The following FBXL5 variants were observed in gnomAD, a reference collection of about 807,000 sequenced individuals.
FBXL5 encodes the protein F-box/LRR-repeat protein 5.
In FBXL5, 26 loss-of-function variants were observed where a neutral mutation model predicts 78.3. That is an observed-to-expected ratio of 0.33 (90% CI 0.24 to 0.46). The LOEUF (loss-of-function observed/expected upper bound fraction) is 0.46. Ranked by LOEUF, FBXL5 falls within the 20% of genes least tolerant of loss-of-function variation. The pLI is 1.00. For synonymous variants in FBXL5, 295 were observed against 282.5 expected, an observed-to-expected ratio of 1.04 and a Z score of -0.45; for missense variants, 710 against 829.2, an observed-to-expected ratio of 0.86 and a Z score of 1.77.
chr4:15,666,050 A>T (rs886110053), intron 1 of FBXL5, among the ~76,000 whole-genome samples: 12 of 151,822 alleles, frequency 7.9e-5, no homozygotes, highest in African/African-American at 2.7e-4. Context: ...CCATTTCCTC[A>T]TCTTGTTCTT....
chr4:15,660,821 G>A (rs576057833), upstream of FBXL5, among the ~76,000 whole-genome samples: 1 of 152,314 alleles, frequency 6.6e-6, no homozygotes, highest in South Asian at 2.1e-4. Context: ...GCTCACGCCT[G>A]TAATCCCAAC....
At chr4:15,614,822 G>A (rs547755151) in intron 9 of FBXL5, among the ~76,000 whole-genome samples, 1 of 152,256 alleles carries the variant, frequency 6.6e-6, no homozygotes, top group Non-Finnish European at 1.5e-5. Flanking sequence ...GGCATTTGAG[G>A]AGCCCTTCAG....
Position 15,604,782 on chromosome 4 carries a change from G to A in FBXL5, c.*941C>T, listed in dbSNP as rs564955147. On this transcript the variant is annotated 3_prime_UTR_variant, in exon 11 of 11. Transcript: ENST00000341285. ...CTGGGTGGCAGGCCTCCACTCTCAT[G>A]ATGTTTTAACAAAGCAAAGTAGATA... is the stretch of plus-strand genomic sequence containing the variant. 10 of 152,290 alleles carry A rather than the reference G, an allele frequency of 6.6e-5. No individual in the cohort carries two copies. In the East Asian group the frequency reaches 1.7e-3, roughly 26 times the overall value. The allele number at this position is 152,290 out of a possible 1,614,324, so 9.4% of individuals were successfully genotyped here.
At chr4:15,623,402 C>G (rs1209785328) in intron 9 of FBXL5, among the ~76,000 whole-genome samples, 2 of 151,756 alleles carry the variant, frequency 1.3e-5, no homozygotes, top group Non-Finnish European at 2.9e-5. Context: ...TCTGAAAGGT[C>G]ACATGTATTA....
intron 9 of FBXL5, among the ~76,000 whole-genome samples, chr4:15,620,745 G>A (rs967560837): frequency 4.6e-5 from 7 of 152,258 alleles, no homozygotes; most frequent in African/African-American, 1.7e-4. Context: ...CAAGCTGGAA[G>A]GTCGGGGGTT....
intron 9 of FBXL5, among the ~76,000 whole-genome samples, chr4:15,622,502 G>A (rs1712588291): frequency 6.6e-6 from 1 of 152,112 alleles, no homozygotes; most frequent in Non-Finnish European, 1.5e-5. Context: ...TCTTTTCAAA[G>A]AAGCCTTTCC....
At chr4:15,615,108 G>A (rs111966202) in intron 9 of FBXL5, among the ~76,000 whole-genome samples, 94 of 152,288 alleles carry the variant, frequency 6.2e-4, no homozygotes, top group African/African-American at 1.4e-3. Context: ...CCAGCCCACC[G>A]GCACCGCGCT....
chr4:15,629,650 G>A (rs1713423118), intron 6 of FBXL5, among the ~76,000 whole-genome samples: 1 of 151,982 alleles, frequency 6.6e-6, no homozygotes, highest in African/African-American at 2.4e-5. Context: ...GCCTGCCACA[G>A]GTAAGCACAT....
chr4:15,661,202 A>G (rs763291342), upstream of FBXL5, among the ~76,000 whole-genome samples: 13 of 152,136 alleles, frequency 8.5e-5, no homozygotes, highest in South Asian at 1.2e-3. Context: ...TTGGACTACT[A>G]TAGGTGTTTC....
At chr4:15,610,583 A>G (rs1362625301) in intron 10 of FBXL5, among the ~76,000 whole-genome samples, 2 of 152,146 alleles carry the variant, frequency 1.3e-5, no homozygotes, top group African/African-American at 4.8e-5. Flanking sequence ...GAGGAAATGC[A>G]TAAGGACAAA....
At chr4:15,652,092 G>C (rs887362700) in intron 1 of FBXL5, among the ~76,000 whole-genome samples, 1 of 152,168 alleles carries the variant, frequency 6.6e-6, no homozygotes, top group African/African-American at 2.4e-5. Flanking sequence ...GTAGACGGTA[G>C]AAACTCCAAT....
At chr4:15,679,148 C>T (rs963605709) in intron 1 of FBXL5, among the ~76,000 whole-genome samples, 2 of 151,044 alleles carry the variant, frequency 1.3e-5, no homozygotes, top group East Asian at 1.9e-4. Context: ...CTGCAACCTC[C>T]GCCTCCTGGG....
intron 2 of FBXL5, among the ~76,000 whole-genome samples, chr4:15,644,292 G>C (rs747440493): frequency 1.3e-5 from 2 of 152,056 alleles, no homozygotes; most frequent in Non-Finnish European, 2.9e-5. Context: ...ATTCACCGTC[G>C]GGACTGATCT....
At chr4:15,650,414 G>A (rs1715859122) in intron 1 of FBXL5, among the ~76,000 whole-genome samples, 1 of 151,972 alleles carries the variant, frequency 6.6e-6, no homozygotes, top group Non-Finnish European at 1.5e-5. Flanking sequence ...TTACTTTTCG[G>A]TTTAAATTTT....
intron 9 of FBXL5, among the ~76,000 whole-genome samples, chr4:15,615,044 G>A (rs927256513): frequency 3.9e-5 from 6 of 152,156 alleles, no homozygotes; most frequent in Admixed American, 1.3e-4. Flanking sequence ...GGCAATGAGG[G>A]ACTTAGCACC....
chr4:15,612,478 G>A (rs1317964820), intron 9 of FBXL5, 64 bp from the exon 10 acceptor site: 44 of 1,437,272 alleles, frequency 3.1e-5, no homozygotes, highest in Non-Finnish European at 4.1e-5. Flanking sequence ...TATTCCTATG[G>A]TTCACTGAAC....
intron 1 of FBXL5, among the ~76,000 whole-genome samples, chr4:15,675,173 A>G (rs1382026162): frequency 6.6e-6 from 1 of 152,172 alleles, no homozygotes; most frequent in Non-Finnish European, 1.5e-5. Context: ...GTTAAGTCAC[A>G]TAATTTATAG....
intron 1 of FBXL5, among the ~76,000 whole-genome samples, chr4:15,648,823 T>G (rs1715635037): frequency 6.6e-6 from 1 of 152,192 alleles, no homozygotes; most frequent in African/African-American, 2.4e-5. Flanking sequence ...AATACTGTAT[T>G]ATGTACTTGA....
chr4:15,628,013 T>C lies in FBXL5; in HGVS notation c.913A>G (p.Ile305Val), dbSNP rs1298748149. 4.3e-6 allele frequency: 7 copies of C among 1,613,542 alleles called. No individual in the cohort carries two copies. The highest frequency in any genetic ancestry group is 1.7e-5 in the Admixed American group (1 of 59,948). Residue 305 changes from isoleucine (I) to valine (V), a missense_variant, in exon 7 of 11, where the codon ATT (isoleucine) becomes GTT (valine). Transcript: ENST00000341285. Reference sequence around the variant, plus strand: ...TCCATTTGTGCAATGCTGATAGCAATTGATTCCTCCGCAGACTCTTCTGTA... The same window carrying C: ...TCCATTTGTGCAATGCTGATAGCAACTGATTCCTCCGCAGACTCTTCTGTA... ...DESEESAEESIAISIAQMEKR... is the reference protein window; with the variant it reads ...DESEESAEESVAISIAQMEKR...
Sources: allele counts gnomAD v4.1 joint callset (sites outside exome capture counted in the v4.1 genomes callset), GRCh38; gene constraint gnomAD v4.1.1; transcripts MANE v1.5; gene names NCBI Gene and HGNC (gene_info 2026-07-23, HGNC 2026-07-21).